Variants in TMEM208 observed in about 807,000 individuals in gnomAD.
The protein encoded by TMEM208 is SRP-independent targeting 2 homolog.
Under a neutral mutation model 26.4 loss-of-function variants are expected in TMEM208, and 19 were observed. That is an observed-to-expected ratio of 0.72 (90% CI 0.50 to 1.06). The LOEUF (loss-of-function observed/expected upper bound fraction) is 1.06, where lower values mean the gene tolerates loss of function less well. TMEM208 is among the 50% of genes least tolerant of loss of function. The pLI is 0.00. For missense variants in TMEM208, 183 were observed against 219.8 expected, an observed-to-expected ratio of 0.83 and a Z score of 1.06; for synonymous variants, 93 against 83.1, an observed-to-expected ratio of 1.12 and a Z score of -0.65.
In TMEM208 at chr16:67,228,885, T is replaced by C. The variant is rs762023731; in HGVS notation, c.384+4T>C. On this transcript the variant is annotated splice_donor_region_variant and intron_variant, in intron 5 of 5. Transcript: ENST00000304800. ...TGTCTGGTCCTTCTGGCTTCTGGTA[T>C]GTGGGCTGGGGGCGCTCCCAAGAAG... 3.7e-6 allele frequency: 6 copies of C among 1,613,940 alleles called. No individual in the cohort carries two copies. Among genetic ancestry groups the C allele is most frequent in the Middle Eastern group, 1.6e-4 (1 of 6,062 alleles).
At chr16:67,227,273 G>A in intron 1 of TMEM208, 49 bp downstream of exon 1, 2 of 1,593,726 alleles carry the variant, frequency 1.3e-6, no homozygotes, top group Non-Finnish European at 1.7e-6. Flanking sequence ...GCTCTCCAGG[G>A]GCTGTGAGAG....
At position 67,228,412 on chromosome 16, in the gene TMEM208, T is replaced by C. The variant is rs898286137; in HGVS notation, c.160T>C (p.Trp54Arg). ...TTACTCATCTGCCTCATTTTGGGCC[T>C]GGGTAAGTATCTCCATCCTGGGAGG... ...FFYSSASFWA[W>R]LALGFSLAVY... The change falls in exon 3 of 6, where the codon TGG becomes CGG. Residue 54 changes from tryptophan (W) to arginine (R), a missense_variant and splice_region_variant. Physicochemically the swap from Trp to Arg is moderately radical, Grantham distance 101. Transcript: ENST00000304800. 3 of 1,613,994 alleles carry C rather than the reference T, an allele frequency of 1.9e-6. No individual in the cohort carries two copies. The highest frequency in any genetic ancestry group is 2.5e-6 in the Non-Finnish European group (3 of 1,179,880).
At chr16:67,227,516 C>T (rs2034066940) in intron 1 of TMEM208, 3 of 560,382 alleles carry the variant, frequency 5.4e-6, no homozygotes, top group Non-Finnish European at 9.4e-6. Flanking sequence ...AGGCACCATT[C>T]AACTCCGCTC....
intron 1 of TMEM208, 93 bp from the exon 2 acceptor site, chr16:67,227,743 T>C (rs759412226): frequency 8.8e-5 from 88 of 998,512 alleles, no homozygotes; most frequent in Non-Finnish European, 1.3e-4. Flanking sequence ...GGGACCTGGC[T>C]GAGTTGCGGA....
chr16:67,228,722 G>C (rs886838149), intron 4 of TMEM208, 75 bp from the exon 5 acceptor site: 1 of 1,558,824 alleles, frequency 6.4e-7, no homozygotes, highest in African/African-American at 1.4e-5. Flanking sequence ...ACTTGAAAAG[G>C]GTGGAAGGGA....
Position 67,228,875 on chromosome 16 carries a change from G to A in TMEM208, c.378G>A (p.Trp126Ter). ...SCFSLYVWSF[W>*]LLAPGRALYL... ...TCTCTCTCTATGTCTGGTCCTTCTG[G>A]CTTCTGGTATGTGGGCTGGGGGCGC... Residue 126 changes from tryptophan (W) to a stop codon, truncating the protein, a stop_gained, in exon 5 of 6, where the codon TGG becomes TGA. Transcript: ENST00000304800. LOFTEE classifies it high-confidence loss of function. 2 of 1,613,902 alleles carry A rather than the reference G, an allele frequency of 1.2e-6. No homozygotes were observed. Among genetic ancestry groups the A allele is most frequent in the Non-Finnish European group, 8.5e-7 (1 of 1,179,850 alleles).
intron 3 of TMEM208, 40 bp downstream of exon 3, chr16:67,228,454 G>A: frequency 6.2e-7 from 1 of 1,613,994 alleles, no homozygotes; most frequent in African/African-American, 1.3e-5. Flanking sequence ...AGTGCGTAGG[G>A]TCAGTGGCTG....
At position 67,229,133 on chromosome 16, in the gene TMEM208, A is replaced by G; in HGVS notation, c.*20A>G. The G allele has an allele frequency of 6.4e-7, 1 of 1,574,078 alleles. No homozygotes were observed. Among genetic ancestry groups the G allele is most frequent in the Admixed American group, 1.8e-5 (1 of 54,344 alleles). ...TTATAGCCATTGACATTGTGGCCACAGGCCACTGGCCCTGGGTGGCTCTGT... is the reference window on the plus strand; with the variant it reads ...TTATAGCCATTGACATTGTGGCCACGGGCCACTGGCCCTGGGTGGCTCTGT... On this transcript the variant is annotated 3_prime_UTR_variant, in exon 6 of 6. Coordinates refer to ENST00000304800, the MANE Select transcript of TMEM208 (RefSeq NM_014187.4).
chr16:67,227,565 C>T (rs1164105120), intron 1 of TMEM208: 1 of 556,626 alleles, frequency 1.8e-6, no homozygotes, highest in Non-Finnish European at 3.2e-6. Flanking sequence ...TAAAGCCAGA[C>T]TACCACGGGA....
chr16:67,228,454 G>C lies in TMEM208; in HGVS notation c.162+40G>C, dbSNP rs201051514. 3 of 1,613,994 alleles carry C rather than the reference G, an allele frequency of 1.9e-6. No homozygotes were observed. In the Admixed American group the frequency reaches 5.0e-5, roughly 27 times the overall value. Reference sequence around the variant, plus strand: ...CCTGGGAGGTGGATGAGTGCGTAGGGTCAGTGGCTGGCCTTTGATACCCTC... The same window carrying C: ...CCTGGGAGGTGGATGAGTGCGTAGGCTCAGTGGCTGGCCTTTGATACCCTC... On this transcript the variant is annotated intron_variant, in intron 3 of 5. Coordinates refer to ENST00000304800, the MANE Select transcript of TMEM208 (RefSeq NM_014187.4).
In TMEM208 at chr16:67,229,275, T is replaced by A. The variant is rs74513757; in HGVS notation, c.*162T>A. The A allele has an allele frequency of 5.8e-5, 42 of 724,774 alleles. No homozygotes were observed. In the African/African-American group the frequency reaches 7.1e-4, roughly 12 times the overall value. 44.9% of individuals were successfully genotyped at this position (724,774 alleles called of 1,614,324 possible). ...GGGTCGTTGAATAAATGGCTTAGAA[T>A]GTGGCTGATGGCTGTGTGGGTGATG... On this transcript the variant is annotated 3_prime_UTR_variant, in exon 6 of 6. Transcript: ENST00000304800.
chr16:67,228,797 G>A lies in TMEM208; in HGVS notation c.300G>A (p.Glu100=). The change falls in exon 5 of 6, where the codon GAG becomes GAA. Residue 100 remains glutamate (E), a splice_region_variant and synonymous_variant. Coordinates refer to ENST00000304800, the MANE Select transcript of TMEM208 (RefSeq NM_014187.4). ...MDLNMEQGMA[E]HLKDVILLTA... ...TTTCCAGCTTTATTTCTATCCACAG[G>A]CACCTTAAGGATGTGATCCTACTGA... The A allele has an allele frequency of 6.2e-7, 1 of 1,611,456 alleles. No homozygotes were observed. Among genetic ancestry groups the A allele is most frequent in the Non-Finnish European group, 8.5e-7 (1 of 1,178,888 alleles).
In TMEM208 at chr16:67,227,244, C is replaced by T. The variant is rs765941164; in HGVS notation, c.6+20C>T. 2.5e-6 allele frequency: 4 copies of T among 1,609,780 alleles called. No individual in the cohort carries two copies. The highest frequency in any genetic ancestry group is 2.2e-5 in the South Asian group (2 of 90,648). ...ATGGCGGTAAGGAGGATGGATAGGG[C>T]GGGGTCCGCACCAGCAAAGCTCTCC... On this transcript the variant is annotated intron_variant, in intron 1 of 5. Transcript: ENST00000304800.
intron 2 of TMEM208, 72 bp from the exon 3 acceptor site, chr16:67,228,283 G>C: frequency 1.3e-6 from 2 of 1,537,902 alleles, no homozygotes; most frequent in Non-Finnish European, 1.8e-6. Flanking sequence ...CCTAATTCTT[G>C]GTCAGAGTTG....
At chr16:67,228,742 T>TC in intron 4 of TMEM208, 55 bp from the exon 5 acceptor site, 1 of 1,569,784 alleles carries the variant, frequency 6.4e-7, no homozygotes, top group Non-Finnish European at 8.6e-7. Flanking sequence ...AGTTGCAACT[T>TC]GAAAAGGGTG....
chr16:67,227,853 C>A lies in TMEM208; in HGVS notation c.24C>A (p.Gly8=). The A allele has an allele frequency of 6.2e-7, 1 of 1,609,592 alleles. No individual in the cohort carries two copies. Residue 8 remains glycine (G), a synonymous_variant, in exon 2 of 6, where the codon GGC becomes GGA. Coordinates refer to ENST00000304800, the MANE Select transcript of TMEM208 (RefSeq NM_014187.4). MAPKGKV[G]TRGKKQIFEE... ...CTCTGCAGCCCAAGGGCAAAGTGGG[C>A]ACGAGAGGGAAGAAGCAGATATTTG...
chr16:67,227,867 A>C lies in TMEM208; in HGVS notation c.38A>C (p.Lys13Thr). The change falls in exon 2 of 6, where the codon AAG becomes ACG. Residue 13 changes from lysine (K) to threonine (T), a missense_variant. By Grantham distance (78) the Lys-to-Thr change is moderately conservative. Transcript: ENST00000304800. ...GGCAAAGTGGGCACGAGAGGGAAGA[A>C]GCAGATATTTGAAGAGAACAGAGAG... ...PKGKVGTRGKKQIFEENRETL... is the reference protein window; with the variant it reads ...PKGKVGTRGKTQIFEENRETL... 2 of 1,611,576 alleles carry C rather than the reference A, an allele frequency of 1.2e-6. No homozygotes were observed. Among genetic ancestry groups the C allele is most frequent in the East Asian group, 4.5e-5 (2 of 44,830 alleles).
At chr16:67,228,287 A>C in intron 2 of TMEM208, 68 bp from the exon 3 acceptor site, 2 of 1,557,534 alleles carry the variant, frequency 1.3e-6, no homozygotes, top group Non-Finnish European at 1.8e-6. Context: ...ATTCTTGGTC[A>C]GAGTTGAGGG....
rs938855044 is a variant in TMEM208 at position 67,228,604 on chromosome 16, A to G, written c.272A>G (p.Asp91Gly). The G allele has an allele frequency of 1.3e-6, 2 of 1,594,110 alleles. No homozygotes were observed. The highest frequency in any genetic ancestry group is 1.7e-6 in the Non-Finnish European group (2 of 1,168,560). Residue 91 changes from aspartate (D) to glycine (G), a missense_variant, in exon 4 of 6, where the codon GAC (aspartate) becomes GGC (glycine). Asp to Gly is a moderately conservative substitution (Grantham distance 94, BLOSUM62 -1). Coordinates refer to ENST00000304800, the MANE Select transcript of TMEM208 (RefSeq NM_014187.4). ...GGGGCCCTGATGGATGGTGGCATGG[A>G]CCTCAACATGGAGCAGGGCATGGCA... is the stretch of plus-strand genomic sequence containing the variant. ...EDGALMDGGM[D>G]LNMEQGMAEH...
Sources: gnomAD v4.1 joint callset for allele counts on GRCh38, gnomAD v4.1.1 for gene constraint, MANE v1.5 for transcripts, NCBI Gene and HGNC (gene_info 2026-07-23, HGNC 2026-07-21) for gene names.